NHLRC2: variants seen among roughly 807,000 people sequenced by gnomAD.
NHLRC2 encodes NHL repeat-containing protein 2.
A neutral mutation model predicts 68.1 loss-of-function variants in NHLRC2; 33 were observed. The observed-to-expected ratio is 0.48, with a 90% CI of 0.37 to 0.65. NHLRC2 has a LOEUF of 0.65. NHLRC2 is among the 30% of genes least tolerant of loss of function. The pLI, the probability that NHLRC2 is intolerant of heterozygous loss-of-function variation, is 0.00. For synonymous variants in NHLRC2, 311 were observed against 309.6 expected (o/e 1.00, Z -0.05); for missense variants, 761 against 853.8 (o/e 0.89, Z 1.35).
At position 113,908,353 on chromosome 10, in the gene NHLRC2, A is replaced by G; in HGVS notation, c.1998A>G (p.Ser666=). 1 of 1,613,664 alleles carries G rather than the reference A, an allele frequency of 6.2e-7. No individual in the cohort carries two copies. The highest frequency in any genetic ancestry group is 8.5e-7 in the Non-Finnish European group (1 of 1,179,538). ...IENISSQPTI[S]LQIPDDCLSL... ...ACATTTCCAGTCAACCAACAATTTCACTACAAATTCCTGATGATTGCTTAT... is the reference window on the plus strand; with the variant it reads ...ACATTTCCAGTCAACCAACAATTTCGCTACAAATTCCTGATGATTGCTTAT... Residue 666 remains serine (S), a synonymous_variant, in exon 11 of 11, where the codon TCA becomes TCG. Coordinates refer to ENST00000369301, the MANE Select transcript of NHLRC2 (RefSeq NM_198514.4).
rs531810633 is a variant in NHLRC2, at chr10:113,863,823, G to A, written c.331+5143G>A. ...TACAGAAATAAAAAGGATTATAAGAGTACTATGAGCAATTGTACATTAACA... is the reference window on the plus strand; with the variant it reads ...TACAGAAATAAAAAGGATTATAAGAATACTATGAGCAATTGTACATTAACA... On this transcript the variant is annotated intron_variant, in intron 2 of 10. Transcript: ENST00000369301. Among the ~76,000 whole-genome samples the A allele has an allele frequency of 2.0e-5, 3 of 152,224 alleles. No homozygotes were observed. The East Asian group carries it at 5.8e-4, about 29-fold the overall frequency.
At chr10:113,859,701 G>A (rs1419269242) in intron 2 of NHLRC2, among the ~76,000 whole-genome samples, 1 of 152,134 alleles carries the variant, frequency 6.6e-6, no homozygotes, top group Non-Finnish European at 1.5e-5. Context: ...AGTGTTTCTT[G>A]TTCAAGACAT....
chr10:113,872,602 CA>C (rs1161018045), intron 2 of NHLRC2, among the ~76,000 whole-genome samples: 1 of 149,740 alleles, frequency 6.7e-6, no homozygotes, highest in African/African-American at 2.5e-5. Context: ...AAAAAAGAAA[CA>C]GGGAAATGAG....
chr10:113,883,889 C>A (rs1846057845), intron 4 of NHLRC2, among the ~76,000 whole-genome samples: 1 of 151,870 alleles, frequency 6.6e-6, no homozygotes, highest in Non-Finnish European at 1.5e-5. Context: ...TAGCTGAGCA[C>A]AACTGAAATA....
In NHLRC2 at chr10:113,914,768, C is replaced by G; in HGVS notation, c.*6232C>G. ...ACAGTTTATTTAAATGAAGTATTAG[C>G]AATAATCATGTCACTATTTTGTCCT... On this transcript the variant is annotated 3_prime_UTR_variant, in exon 11 of 11. Transcript: ENST00000369301. The G allele has an allele frequency of 3.1e-6, 1 of 320,398 alleles. No homozygotes were observed. Among genetic ancestry groups the G allele is most frequent in the Non-Finnish European group, 6.1e-6 (1 of 163,706 alleles). 19.8% of individuals were successfully genotyped at this position (320,398 alleles called of 1,614,324 possible).
intron 2 of NHLRC2, among the ~76,000 whole-genome samples, chr10:113,873,136 C>T (rs548185667): frequency 3.4e-4 from 51 of 152,152 alleles, no homozygotes; most frequent in Non-Finnish European, 5.1e-4. Flanking sequence ...TTTCAGGAAT[C>T]TTAATGAGTG....
intron 5 of NHLRC2, among the ~76,000 whole-genome samples, chr10:113,888,825 CTTTT>C (rs553815478): frequency 2.3e-5 from 3 of 132,954 alleles, no homozygotes; most frequent in Admixed American, 7.6e-5. Context: ...CTATCAGTAT[CTTTT>C]TTTTTTTTTT....
intron 5 of NHLRC2, among the ~76,000 whole-genome samples, chr10:113,893,700 A>G (rs1171649346): frequency 2.0e-5 from 3 of 152,140 alleles, no homozygotes; most frequent in African/African-American, 2.4e-5. Context: ...TACTTTATCT[A>G]TCACTGGGAA....
At chr10:113,884,479 TTTTATTTTA>T in intron 5 of NHLRC2, 99 bp downstream of exon 5, 1 of 941,094 alleles carries the variant, frequency 1.1e-6, no homozygotes, top group Non-Finnish European at 1.6e-6. Context: ...TTACTAGTTA[TTTTATTTTA>T]TACTTTTATA....
intron 2 of NHLRC2, among the ~76,000 whole-genome samples, chr10:113,873,765 G>GT: frequency 6.6e-6 from 1 of 152,194 alleles, no homozygotes; most frequent in East Asian, 1.9e-4. Context: ...TGAAACCCAT[G>GT]TAAGCTTTAG....
intron 10 of NHLRC2, among the ~76,000 whole-genome samples, chr10:113,907,749 TAA>T (rs1254300736): frequency 1.3e-5 from 2 of 152,196 alleles, no homozygotes; most frequent in African/African-American, 4.8e-5. Context: ...TGTTTCTAAA[TAA>T]AGTGTGTGTG....
chr10:113,906,406 T>C (rs1201522570), intron 10 of NHLRC2, among the ~76,000 whole-genome samples: 1 of 152,170 alleles, frequency 6.6e-6, no homozygotes, highest in African/African-American at 2.4e-5. Context: ...TTTTTGAATA[T>C]TATAGAGTAC....
At chr10:113,855,926 G>A (rs1183459443) in intron 1 of NHLRC2, among the ~76,000 whole-genome samples, 1 of 152,210 alleles carries the variant, frequency 6.6e-6, no homozygotes, top group East Asian at 1.9e-4. Context: ...GGAAATGGAA[G>A]CACAGAGAGG....
At chr10:113,865,754 T>C (rs1845862121) in intron 2 of NHLRC2, among the ~76,000 whole-genome samples, 1 of 152,198 alleles carries the variant, frequency 6.6e-6, no homozygotes, top group Non-Finnish European at 1.5e-5. Flanking sequence ...TGCTACTATG[T>C]GAAAATCCTG....
At chr10:113,884,074 A>AT (rs1460822099) in intron 4 of NHLRC2, among the ~76,000 whole-genome samples, 177 bp from the exon 5 acceptor site, 5 of 152,040 alleles carry the variant, frequency 3.3e-5, no homozygotes, top group African/African-American at 1.2e-4. Flanking sequence ...AAAGGGACTG[A>AT]TTATGTGCAT....
intron 6 of NHLRC2, among the ~76,000 whole-genome samples, chr10:113,899,708 A>T (rs945508566): frequency 6.6e-6 from 1 of 152,160 alleles, no homozygotes; most frequent in African/African-American, 2.4e-5. Context: ...TCACAAGGTC[A>T]GTAGTTCGAG....
At chr10:113,866,876 G>A (rs2134695081) in intron 2 of NHLRC2, among the ~76,000 whole-genome samples, 1 of 151,956 alleles carries the variant, frequency 6.6e-6, no homozygotes, top group East Asian at 1.9e-4. Flanking sequence ...GGGAAAAGAT[G>A]CATGGGGCTG....
At chr10:113,900,495 T>A (rs2134735077) in intron 6 of NHLRC2, among the ~76,000 whole-genome samples, 1 of 152,334 alleles carries the variant, frequency 6.6e-6, no homozygotes, top group Middle Eastern at 3.4e-3. Context: ...AAATTGGCAC[T>A]AGGACCACAC....
At chr10:113,881,267 A>C (rs1288730695) in intron 4 of NHLRC2, among the ~76,000 whole-genome samples, 2 of 151,704 alleles carry the variant, frequency 1.3e-5, no homozygotes, top group Non-Finnish European at 3.0e-5. Context: ...TTACAACTTA[A>C]TGGGTTTTCG....
Sources: allele counts gnomAD v4.1 joint callset (sites outside exome capture counted in the v4.1 genomes callset), GRCh38; gene constraint gnomAD v4.1.1; transcripts MANE v1.5; gene names NCBI Gene and HGNC (gene_info 2026-07-23, HGNC 2026-07-21).